The following RTN4 variants were observed in gnomAD, a reference collection of about 807,000 sequenced individuals.
The protein encoded by RTN4 is reticulon 4.
A neutral mutation model predicts 90.4 loss-of-function variants in RTN4; 32 were observed. The observed-to-expected ratio is 0.35, with a 90% confidence interval of 0.27 to 0.48. RTN4 has a LOEUF of 0.48. Among genes scored for constraint, RTN4 ranks in the 20% least tolerant of loss-of-function variants. The pLI is 0.99. For synonymous variants in RTN4, 629 were observed against 552.5 expected (o/e 1.14, Z -1.94); for missense variants, 1,706 against 1,430.2 (o/e 1.19, Z -3.11).
chr2:55,124,251 T>G, the RTN4 span, among the ~76,000 whole-genome samples: 3 of 152,210 alleles, frequency 2.0e-5, no homozygotes, highest in African/African-American at 4.8e-5. Flanking sequence ...TAGGGTGTAT[T>G]GAGGCCCCAA....
intron 1 of RTN4, among the ~76,000 whole-genome samples, chr2:55,083,681 A>G (rs187381288): frequency 3.3e-5 from 5 of 152,378 alleles, no homozygotes; most frequent in East Asian, 1.9e-4. Flanking sequence ...GTGTTTTCAC[A>G]TACAATTCAG....
chr2:54,974,785 C>A (rs761456325), intron 5 of RTN4, 21 bp from the exon 6 acceptor site: 2 of 1,599,984 alleles, frequency 1.3e-6, no homozygotes, highest in East Asian at 4.5e-5. Flanking sequence ...ATAACATTAG[C>A]CCATTATAAA....
upstream of RTN4, among the ~76,000 whole-genome samples, chr2:55,051,542 T>C (rs1476882020): frequency 2.0e-5 from 3 of 152,186 alleles, no homozygotes; most frequent in African/African-American, 4.8e-5. Context: ...CTTTTATCTT[T>C]CTGATTTACC....
chr2:55,089,189 C>T (rs1353408723), intron 1 of RTN4, among the ~76,000 whole-genome samples: 11 of 152,114 alleles, frequency 7.2e-5, no homozygotes, highest in Non-Finnish European at 1.0e-4. Flanking sequence ...TGAGCCACCG[C>T]GCCGGGCCAG....
rs758476794 is a variant in RTN4, at chr2:55,025,351, G to A, written c.2748C>T (p.Pro916=). 6.2e-7 allele frequency: 1 copy of A among 1,613,766 alleles called. No individual in the cohort carries two copies. Among genetic ancestry groups the A allele is most frequent in the African/African-American group, 1.3e-5 (1 of 74,880 alleles). ...GAGSLPCTEL[P]HDLSLKNIQP... ...GTATGTTCTTCAAAGAAAGGTCATGGGGCAATTCTGTGCAAGGCAATGACC... is the reference window on the plus strand; with the variant it reads ...GTATGTTCTTCAAAGAAAGGTCATGAGGCAATTCTGTGCAAGGCAATGACC... Residue 916 remains proline (P), a synonymous_variant, in exon 3 of 9, where the codon CCC becomes CCT. Transcript: ENST00000337526.
At chr2:55,049,572 C>T (rs1667976642) in intron 1 of RTN4, 173 bp downstream of exon 1, 2 of 1,075,700 alleles carry the variant, frequency 1.9e-6, no homozygotes, top group Non-Finnish European at 2.8e-6. Context: ...GCTCCAAGGG[C>T]CGCCCCACCC....
At position 55,025,554 on chromosome 2, in the gene RTN4, T is replaced by G. The variant is rs202189185; in HGVS notation, c.2545A>C (p.Lys849Gln). ...TCAGTTTCTCTTATCTGTGCTTCCT[T>G]AGAAATAAATAAGTCATCATTTGAA... Reference protein sequence around the residue: ...VYSNDDLFISKEAQIRETETF... With the variant: ...VYSNDDLFISQEAQIRETETF... Residue 849 changes from lysine to glutamine, a missense_variant, in exon 3 of 9, where the codon AAG becomes CAG. Physicochemically the swap from Lys to Gln is moderately conservative, Grantham distance 53. Transcript: ENST00000337526. 2 of 1,613,754 alleles carry G rather than the reference T, an allele frequency of 1.2e-6. No individual in the cohort carries two copies. The highest frequency in any genetic ancestry group is 1.7e-6 in the Non-Finnish European group (2 of 1,179,828).
Position 54,987,662 on chromosome 2 carries a change from G to C in RTN4, c.3050C>G (p.Thr1017Ser), listed in dbSNP as rs993858535. 1.2e-6 allele frequency: 2 copies of C among 1,613,916 alleles called. No individual in the cohort carries two copies. The highest frequency in any genetic ancestry group is 2.7e-5 in the African/African-American group (2 of 74,920). Residue 1017 changes from threonine to serine, a missense_variant, in exon 4 of 9, where the codon ACT becomes AGT. Transcript: ENST00000337526. The part of the protein sequence containing the change: ...DLLYWRDIKK[T>S]GVVFGASLFL... ...TAGGCTGGCACCAAACACCACTCCA[G>C]TCTTCTTAATGTCTCTCCAGTACAG...
At chr2:55,012,779 T>G (rs903673648) in intron 3 of RTN4, among the ~76,000 whole-genome samples, 10 of 152,280 alleles carry the variant, frequency 6.6e-5, no homozygotes, top group African/African-American at 2.2e-4. Flanking sequence ...CCAATCTTTC[T>G]AAACAGAATT....
chr2:55,125,536 C>T, the RTN4 span, among the ~76,000 whole-genome samples: 1 of 152,126 alleles, frequency 6.6e-6, no homozygotes, highest in Non-Finnish European at 1.5e-5. Flanking sequence ...GAGGCCAAGG[C>T]AGGCAGATGA....
Position 55,026,516 on chromosome 2 carries a change from T to A in RTN4, c.1583A>T (p.Asp528Val). 1 of 1,613,992 alleles carries A rather than the reference T, an allele frequency of 6.2e-7. No individual in the cohort carries two copies. Among genetic ancestry groups the A allele is most frequent in the African/African-American group, 1.3e-5 (1 of 75,052 alleles). Reference protein sequence around the residue: ...FLVAAQDSETDYVTTDNLTKV... With the variant: ...FLVAAQDSETVYVTTDNLTKV... ...TGTTAAATTATCTGTTGTGACATAATCTGTCTCAGAATCCTGTGCTGCTAC... is the reference window on the plus strand; with the variant it reads ...TGTTAAATTATCTGTTGTGACATAAACTGTCTCAGAATCCTGTGCTGCTAC... Residue 528 changes from aspartate (D) to valine (V), a missense_variant, in exon 3 of 9, where the codon GAT (aspartate) becomes GTT (valine). Transcript: ENST00000337526.
intron 3 of RTN4, among the ~76,000 whole-genome samples, chr2:54,989,309 A>G (rs1678824263): frequency 6.6e-6 from 1 of 152,210 alleles, no homozygotes; most frequent in South Asian, 2.1e-4. Flanking sequence ...TTAACATTCT[A>G]TATATGATTT....
intron 3 of RTN4, among the ~76,000 whole-genome samples, chr2:55,010,739 A>T (rs931192016): frequency 6.6e-5 from 10 of 152,212 alleles, no homozygotes; most frequent in Non-Finnish European, 1.0e-4. Flanking sequence ...GAAGAGATAA[A>T]CAGAAAATAA....
intron 1 of RTN4, among the ~76,000 whole-genome samples, chr2:55,038,568 G>A (rs975592359): frequency 6.6e-6 from 1 of 152,178 alleles, no homozygotes; most frequent in Non-Finnish European, 1.5e-5. Flanking sequence ...AGACCACAAT[G>A]AGGAACCACT....
At chr2:55,037,185 A>C (rs955160489) in intron 1 of RTN4, among the ~76,000 whole-genome samples, 1 of 152,214 alleles carries the variant, frequency 6.6e-6, no homozygotes, top group Non-Finnish European at 1.5e-5. Context: ...CAAGAGATGC[A>C]CAAAACTGCT....
At chr2:55,071,108 CT>C (rs1668505211) in intron 2 of RTN4, among the ~76,000 whole-genome samples, 1 of 148,348 alleles carries the variant, frequency 6.7e-6, no homozygotes, top group East Asian at 2.0e-4. Context: ...TTTAATGGAA[CT>C]TTGAAACTCC....
At chr2:55,022,896 A>AACACACACACACACACACACACACACAC (rs150779063) in intron 3 of RTN4, among the ~76,000 whole-genome samples, 87 of 137,466 alleles carry the variant, frequency 6.3e-4, no homozygotes, top group East Asian at 5.5e-3. Flanking sequence ...TTCAACATCC[A>AACACACACACACACACACACACACACAC]ACACACACAC....
In RTN4 at chr2:55,010,200, C is replaced by A; in HGVS notation, c.3013+14886G>T. 4 of 1,601,876 alleles carry A rather than the reference C, an allele frequency of 2.5e-6. No homozygotes were observed. In the South Asian group the frequency reaches 4.4e-5, roughly 18 times the overall value. The stretch of plus-strand genomic sequence containing the variant: ...AAAGCTGTAACTGCACAAACCTACT[C>A]CCTGAGACATGAAATACCCGTTTCC... On this transcript the variant is annotated intron_variant, in intron 3 of 8. Transcript: ENST00000337526.
chr2:55,054,402 C>A (rs1455756465), upstream of RTN4, among the ~76,000 whole-genome samples: 2 of 152,204 alleles, frequency 1.3e-5, no homozygotes, highest in African/African-American at 4.8e-5. Flanking sequence ...AAGAATACAG[C>A]ACTACGCCAG....
Sources: allele counts gnomAD v4.1 joint callset (sites outside exome capture counted in the v4.1 genomes callset), GRCh38; gene constraint gnomAD v4.1.1; transcripts MANE v1.5; gene names NCBI Gene and HGNC (gene_info 2026-07-23, HGNC 2026-07-21).